Variants in CLSTN2 observed in about 807,000 individuals in gnomAD.
CLSTN2 encodes the protein calsyntenin 2.
A neutral mutation model predicts 101.2 loss-of-function variants in CLSTN2; 48 were observed. That is an observed-to-expected ratio of 0.47 (90% confidence interval 0.38 to 0.60). The LOEUF is 0.60. CLSTN2 is among the 20% of genes least tolerant of loss of function. The probability of loss-of-function intolerance (pLI) is 0.00; values close to 1 mark genes in which losing one functional copy is unlikely to be tolerated. For synonymous variants in CLSTN2, 481 were observed against 463.6 expected (o/e 1.04, Z -0.48); for missense variants, 1,160 against 1,238.2 (o/e 0.94, Z 0.95).
chr3:140,058,913 G>A (rs537510450), intron 1 of CLSTN2, among the ~76,000 whole-genome samples: 7 of 152,272 alleles, frequency 4.6e-5, no homozygotes, highest in African/African-American at 1.7e-4. Flanking sequence ...GAGGGGGAGG[G>A]CCCTGACCAG....
Position 140,156,834 on chromosome 3 carries a change from G to A in CLSTN2, c.110-19117G>A, listed in dbSNP as rs532206323. ...GCATCAAGGTCTGACCTCTTCAGAC[G>A]TTTCTGGCTCCCTCCTTACTTTCCC... On this transcript the variant is annotated intron_variant, in intron 1 of 16. Transcript: ENST00000458420. Among the ~76,000 whole-genome samples, 12 of 152,238 alleles carry A rather than the reference G, an allele frequency of 7.9e-5. 1 individual carries two copies. The South Asian group carries it at 1.7e-3, about 21-fold the overall frequency.
intron 8 of CLSTN2, among the ~76,000 whole-genome samples, chr3:140,526,643 C>CA (rs78227756): frequency 0.081 from 10,624 of 131,836 alleles, 1,264 homozygotes; most frequent in African/African-American, 0.27. Context: ...ACAACAACAA[C>CA]AAAAAAAAAA....
At chr3:140,341,058 T>C (rs1331201236) in intron 2 of CLSTN2, among the ~76,000 whole-genome samples, 1 of 152,210 alleles carries the variant, frequency 6.6e-6, no homozygotes, top group Non-Finnish European at 1.5e-5. Context: ...GTTGAGGTAG[T>C]GTTTGTTAGA....
chr3:139,959,502 T>C (rs1352703421), intron 1 of CLSTN2, among the ~76,000 whole-genome samples: 2 of 152,162 alleles, frequency 1.3e-5, no homozygotes, highest in Non-Finnish European at 2.9e-5. Context: ...CTAGTTAGGG[T>C]GACCAGTGAT....
chr3:140,235,803 G>T lies in CLSTN2; in HGVS notation c.232+59730G>T, dbSNP rs1243039752. 2.6e-5 allele frequency among the ~76,000 whole-genome samples: 4 copies of T among 152,166 alleles called. No homozygotes were observed. In the East Asian group the frequency reaches 7.7e-4, roughly 29 times the overall value. On this transcript the variant is annotated intron_variant, in intron 2 of 16. Transcript: ENST00000458420. The stretch of plus-strand genomic sequence containing the variant: ...TGATTGGAGGAGTAGGTGGTAGTGG[G>T]GGGCTGATTAGAGAAGGTGAGGACA...
intron 1 of CLSTN2, among the ~76,000 whole-genome samples, chr3:140,042,741 T>A (rs1267175164): frequency 6.6e-6 from 1 of 152,214 alleles, no homozygotes; most frequent in Non-Finnish European, 1.5e-5. Flanking sequence ...TTCTCATTGT[T>A]CAATTCCCAC....
At position 140,574,121 on chromosome 3, in the gene CLSTN2, TG is replaced by T. The variant is rs1985658227; in HGVS notation, c.*7869del. Reference sequence around the variant, plus strand: ...GTGTGCCACAAATGTTGAATTGAATTGAATCCCAGAGATCACTTGACCTCAG... The same window carrying T: ...GTGTGCCACAAATGTTGAATTGAATTAATCCCAGAGATCACTTGACCTCAG... On this transcript the variant is annotated 3_prime_UTR_variant, in exon 17 of 17. Transcript: ENST00000458420. 7 of 152,280 alleles carry T rather than the reference TG, an allele frequency of 4.6e-5. No homozygotes were observed. In the South Asian group the frequency reaches 1.5e-3, roughly 32 times the overall value. 9.4% of individuals were successfully genotyped at this position (152,280 alleles called of 1,614,324 possible).
chr3:140,217,500 C>T (rs1281540021), intron 2 of CLSTN2, among the ~76,000 whole-genome samples: 1 of 152,156 alleles, frequency 6.6e-6, no homozygotes, highest in African/African-American at 2.4e-5. Flanking sequence ...AACATCACCA[C>T]ATAAAAAAGT....
chr3:140,492,247 GC>G (rs1934367989), intron 8 of CLSTN2, among the ~76,000 whole-genome samples: 1 of 152,200 alleles, frequency 6.6e-6, no homozygotes, highest in Non-Finnish European at 1.5e-5. Context: ...AATTGGTACA[GC>G]CTCTTTAGAA....
intron 8 of CLSTN2, among the ~76,000 whole-genome samples, chr3:140,515,701 T>G (rs1934905171): frequency 6.6e-6 from 1 of 152,170 alleles, no homozygotes; most frequent in Admixed American, 6.5e-5. Context: ...GGAGTTGATT[T>G]CCAATTTCAT....
At chr3:140,106,896 ATTATT>A (rs1452108925) in intron 1 of CLSTN2, among the ~76,000 whole-genome samples, 4 of 152,216 alleles carry the variant, frequency 2.6e-5, no homozygotes, top group Admixed American at 2.6e-4. Flanking sequence ...TCAAGTGTTA[ATTATT>A]TCTTTTCAAC....
At chr3:140,071,733 A>T (rs2008398282) in intron 1 of CLSTN2, among the ~76,000 whole-genome samples, 1 of 152,132 alleles carries the variant, frequency 6.6e-6, no homozygotes, top group Non-Finnish European at 1.5e-5. Flanking sequence ...CAGGAGGCTG[A>T]GGCAGGAGAA....
At chr3:140,229,324 C>A (rs986733568) in intron 2 of CLSTN2, among the ~76,000 whole-genome samples, 1 of 152,194 alleles carries the variant, frequency 6.6e-6, no homozygotes, top group African/African-American at 2.4e-5. Context: ...ACTGTTTATA[C>A]CAATGCTTCA....
At chr3:140,051,437 G>A (rs780901645) in intron 1 of CLSTN2, among the ~76,000 whole-genome samples, 3 of 152,162 alleles carry the variant, frequency 2.0e-5, no homozygotes, top group Non-Finnish European at 4.4e-5. Context: ...CATGGTCGCT[G>A]CACATCTTCC....
intron 2 of CLSTN2, among the ~76,000 whole-genome samples, chr3:140,176,813 T>C (rs929831442): frequency 1.3e-5 from 2 of 152,208 alleles, no homozygotes; most frequent in East Asian, 1.9e-4. Flanking sequence ...ATTGTTAACA[T>C]TTTATAACTG....
chr3:140,056,075 G>T (rs2008091049), intron 1 of CLSTN2, among the ~76,000 whole-genome samples: 1 of 152,150 alleles, frequency 6.6e-6, no homozygotes, highest in Admixed American at 6.5e-5. Flanking sequence ...ACTCTGGAGG[G>T]GACATTTGAG....
chr3:140,385,357 C>CTTTTTTTTTTTT (rs546696189), intron 2 of CLSTN2, among the ~76,000 whole-genome samples: 11 of 72,838 alleles, frequency 1.5e-4, no homozygotes, highest in African/African-American at 6.5e-4. Context: ...CCCTGATGTT[C>CTTTTTTTTTTTT]TTTTTTTTTT....
intron 9 of CLSTN2, among the ~76,000 whole-genome samples, chr3:140,533,856 G>A (rs1009674858): frequency 6.6e-6 from 1 of 152,082 alleles, no homozygotes; most frequent in Admixed American, 6.5e-5. Context: ...AGTACATACA[G>A]TGCAGCCTGG....
At chr3:140,516,665 A>T (rs372128049) in intron 8 of CLSTN2, among the ~76,000 whole-genome samples, 2 of 152,130 alleles carry the variant, frequency 1.3e-5, no homozygotes, top group African/African-American at 4.8e-5. Flanking sequence ...AAGGCTACAG[A>T]TAGGGCCCCA....
Sources: gnomAD v4.1 joint callset for allele counts (sites outside exome capture counted in the v4.1 genomes callset) on GRCh38, gnomAD v4.1.1 for gene constraint, MANE v1.5 for transcripts, NCBI Gene and HGNC (gene_info 2026-07-23, HGNC 2026-07-21) for gene names.